Variants in ASTN1 observed in about 807,000 individuals in gnomAD.
ASTN1 encodes astrotactin 1, also known as astrotactin-1.
In ASTN1, 41 loss-of-function variants were observed where a neutral mutation model predicts 140.7. The observed-to-expected ratio is 0.29, with a 90% CI of 0.23 to 0.38. The LOEUF is 0.38. Among genes scored for constraint, ASTN1 ranks in the 10% least tolerant of loss-of-function variants. The pLI, the probability that ASTN1 is intolerant of heterozygous loss-of-function variation, is 1.00. For missense variants in ASTN1, 1,479 were observed against 1,678.8 expected (o/e 0.88, Z 2.08); for synonymous variants, 640 against 652.2 (o/e 0.98, Z 0.29).
At chr1:176,887,901 T>C (rs1370135872) in intron 18 of ASTN1, among the ~76,000 whole-genome samples, 170 bp downstream of exon 18, 10 of 152,194 alleles carry the variant, frequency 6.6e-5, no homozygotes, top group African/African-American at 2.4e-4. Context: ...ACACCCTTTC[T>C]CTACTAAAAC....
chr1:177,128,208 A>G (rs1681762990), intron 1 of ASTN1, among the ~76,000 whole-genome samples: 1 of 152,150 alleles, frequency 6.6e-6, no homozygotes, highest in African/African-American at 2.4e-5. Context: ...AGAAAACAAA[A>G]GAGTATCCAT....
At chr1:177,039,241 C>G (rs1014069587) in intron 2 of ASTN1, among the ~76,000 whole-genome samples, 1 of 152,216 alleles carries the variant, frequency 6.6e-6, no homozygotes, top group South Asian at 2.1e-4. Context: ...ACTAGACATA[C>G]TGAATTCAAA....
At chr1:177,142,633 G>A (rs1682524161) in intron 1 of ASTN1, among the ~76,000 whole-genome samples, 1 of 152,020 alleles carries the variant, frequency 6.6e-6, no homozygotes, top group South Asian at 2.1e-4. Context: ...AAAAATGAGG[G>A]AAAGGAAGAG....
intron 21 of ASTN1, among the ~76,000 whole-genome samples, chr1:176,872,795 T>C (rs1004662485): frequency 6.6e-6 from 1 of 152,190 alleles, no homozygotes; most frequent in Non-Finnish European, 1.5e-5. Flanking sequence ...TGGAACGATC[T>C]TCCCCTAGAT....
At chr1:176,901,655 A>C (rs1402963707) in intron 16 of ASTN1, among the ~76,000 whole-genome samples, 1 of 152,214 alleles carries the variant, frequency 6.6e-6, no homozygotes, top group Non-Finnish European at 1.5e-5. Flanking sequence ...TGGAGCATGA[A>C]ACCCTGCGTC....
intron 2 of ASTN1, among the ~76,000 whole-genome samples, chr1:177,034,594 G>A (rs891135763): frequency 5.9e-5 from 9 of 152,028 alleles, no homozygotes; most frequent in African/African-American, 2.2e-4. Context: ...AGAGCTCCTG[G>A]GACCCCCCAG....
intron 8 of ASTN1, among the ~76,000 whole-genome samples, chr1:177,013,447 T>C (rs969534363): frequency 1.3e-5 from 2 of 152,230 alleles, no homozygotes; most frequent in Non-Finnish European, 2.9e-5. Context: ...TGAGTTCTTC[T>C]ATCCCTTTAT....
chr1:176,861,540 T>A lies in ASTN1; in HGVS notation c.*2744A>T. On this transcript the variant is annotated 3_prime_UTR_variant, in exon 23 of 23. Coordinates refer to ENST00000361833, the MANE Select transcript of ASTN1 (RefSeq NM_004319.3). ...ATTAGGAAAAGTCAGCAGGTTGAGA[T>A]CAATAGTGTCTTCCAAGGGGAAAAA... The A allele has an allele frequency of 1.0e-6, 1 of 985,842 alleles. No individual in the cohort carries two copies. Among genetic ancestry groups the A allele is most frequent in the Non-Finnish European group, 1.2e-6 (1 of 829,960 alleles). 61.1% of individuals were successfully genotyped at this position (985,842 alleles called of 1,614,324 possible). A position where few individuals can be genotyped will look rare whatever the true frequency, so the allele number is the denominator to read the frequency against.
intron 16 of ASTN1, among the ~76,000 whole-genome samples, chr1:176,925,424 C>A (rs1284660765): frequency 6.6e-6 from 1 of 151,978 alleles, no homozygotes; most frequent in Admixed American, 6.6e-5. Flanking sequence ...AATTTCAGGC[C>A]CCACCCAGAC....
At chr1:176,992,072 G>A (rs1049813503) in intron 8 of ASTN1, among the ~76,000 whole-genome samples, 1 of 152,160 alleles carries the variant, frequency 6.6e-6, no homozygotes, top group African/African-American at 2.4e-5. Context: ...AAAGTCGTTA[G>A]TATGGTATCT....
intron 8 of ASTN1, among the ~76,000 whole-genome samples, chr1:176,969,075 C>T (rs989895483): frequency 6.6e-6 from 1 of 152,102 alleles, no homozygotes; most frequent in East Asian, 1.9e-4. Flanking sequence ...TTGAAACGGA[C>T]TTACTTGAGA....
intron 11 of ASTN1, among the ~76,000 whole-genome samples, chr1:176,952,283 ACACACACACG>A (rs765746487): frequency 1.3e-4 from 19 of 151,980 alleles, no homozygotes; most frequent in Admixed American, 6.6e-4. Flanking sequence ...AAACACACAC[ACACACACACG>A]CACATGCATG....
At chr1:176,936,775 T>C (rs1309982148) in intron 14 of ASTN1, among the ~76,000 whole-genome samples, 1 of 152,188 alleles carries the variant, frequency 6.6e-6, no homozygotes, top group African/African-American at 2.4e-5. Context: ...CAAATAGGTT[T>C]TTGGTGCCCA....
chr1:177,019,810 T>C (rs1558035521), intron 7 of ASTN1, among the ~76,000 whole-genome samples: 1 of 152,214 alleles, frequency 6.6e-6, no homozygotes, highest in Non-Finnish European at 1.5e-5. Context: ...GAAAAGTCTA[T>C]AAATTGCACA....
intron 20 of ASTN1, among the ~76,000 whole-genome samples, chr1:176,878,085 T>A (rs1187623768): frequency 6.6e-6 from 1 of 152,150 alleles, no homozygotes; most frequent in Non-Finnish European, 1.5e-5. Flanking sequence ...CAAATTATCA[T>A]GCTGAATTAC....
chr1:176,997,889 AACC>A (rs1248419355), intron 8 of ASTN1, among the ~76,000 whole-genome samples: 1 of 152,128 alleles, frequency 6.6e-6, no homozygotes, highest in Non-Finnish European at 1.5e-5. Context: ...GAACAGAATT[AACC>A]AGGTAGGGTA....
intron 14 of ASTN1, among the ~76,000 whole-genome samples, chr1:176,943,659 T>G (rs1316753335): frequency 6.6e-6 from 1 of 152,168 alleles, no homozygotes. Context: ...TCTGTGAAAC[T>G]AACAAGAAAA....
intron 1 of ASTN1, among the ~76,000 whole-genome samples, chr1:177,101,518 GT>G (rs1680297851): frequency 6.6e-6 from 1 of 152,184 alleles, no homozygotes; most frequent in Admixed American, 6.5e-5. Flanking sequence ...TTAACCTATG[GT>G]GTTCAAGTTA....
intron 21 of ASTN1, among the ~76,000 whole-genome samples, chr1:176,875,741 A>G (rs952750734): frequency 3.9e-5 from 6 of 152,230 alleles, no homozygotes; most frequent in African/African-American, 1.4e-4. Context: ...AACTTTCAGC[A>G]TCAATGTCTT....
Sources: allele counts gnomAD v4.1 joint callset (sites outside exome capture counted in the v4.1 genomes callset), GRCh38; gene constraint gnomAD v4.1.1; transcripts MANE v1.5; gene names NCBI Gene and HGNC (gene_info 2026-07-23, HGNC 2026-07-21).